The following TACC2 variants were observed in gnomAD, a reference collection of about 807,000 sequenced individuals.
The protein encoded by TACC2 is transforming acidic coiled-coil-containing protein 2.
Under a neutral mutation model 227.3 loss-of-function variants are expected in TACC2, and 137 were observed. The observed-to-expected ratio is 0.60, with a 90% CI of 0.52 to 0.69. The LOEUF (loss-of-function observed/expected upper bound fraction) is 0.69. Among genes scored for constraint, TACC2 ranks in the 30% least tolerant of loss-of-function variants. The probability of loss-of-function intolerance (pLI) is 0.00; values close to 1 mark genes in which losing one functional copy is unlikely to be tolerated. For synonymous variants in TACC2, 1,523 were observed against 1,487.5 expected, an observed-to-expected ratio of 1.02 and a Z score of -0.55; for missense variants, 3,470 against 3,694.4, an observed-to-expected ratio of 0.94 and a Z score of 1.57.
chr10:121,990,754 A>T (rs1952994430), intron 1 of TACC2, among the ~76,000 whole-genome samples: 1 of 151,864 alleles, frequency 6.6e-6, no homozygotes, highest in Non-Finnish European at 1.5e-5. Flanking sequence ...TTATTACATT[A>T]TTGTCTGGAC....
intron 7 of TACC2, among the ~76,000 whole-genome samples, chr10:122,146,556 T>C (rs886513954): frequency 1.3e-5 from 2 of 152,074 alleles, no homozygotes; most frequent in Non-Finnish European, 2.9e-5. Context: ...AGACCCGAGC[T>C]AGCTTACTCA....
At position 122,085,347 on chromosome 10, in the gene TACC2, A is replaced by G. The variant is rs999620785; in HGVS notation, c.2847A>G (p.Pro949=). The G allele has an allele frequency of 1.9e-6, 3 of 1,613,928 alleles. No individual in the cohort carries two copies. Among genetic ancestry groups the G allele is most frequent in the Non-Finnish European group, 2.5e-6 (3 of 1,180,052 alleles). ...TGCCTGCACTAGGGGAGAAGCGGCC[A>G]GAGGGAGCATGCGGTGATGGTCAGT... ...QKLPALGEKR[P]EGACGDGQSS... The change falls in exon 4 of 23, where the codon CCA becomes CCG. Residue 949 remains proline (P), a synonymous_variant. Transcript: ENST00000369005.
At chr10:122,111,885 A>G (rs2083675166) in intron 5 of TACC2, among the ~76,000 whole-genome samples, 1 of 152,216 alleles carries the variant, frequency 6.6e-6, no homozygotes, top group East Asian at 1.9e-4. Context: ...AAATGGACAC[A>G]TTAATACGAT....
intron 2 of TACC2, among the ~76,000 whole-genome samples, chr10:122,044,707 A>T (rs1279607877): frequency 4.6e-5 from 7 of 150,746 alleles, no homozygotes; most frequent in Admixed American, 2.6e-4. Context: ...TTATGGTGAA[A>T]TGCTTTAGCT....
rs2095276130 is a variant in TACC2, at chr10:122,210,905, G to A, written c.6480G>A (p.Glu2160=). The change falls in exon 9 of 23, where the codon GAG becomes GAA. Residue 2160 remains glutamate, a synonymous_variant. Coordinates refer to ENST00000369005, the MANE Select transcript of TACC2 (RefSeq NM_206862.4). The surrounding 1 kb of genome is among the most constrained non-coding windows in gnomAD (Gnocchi z 4.6). The part of the protein sequence containing the change: ...VKETQQEPDE[E]SLVPSGENLA... ...AGACGCAACAGGAGCCAGATGAAGA[G>A]AGCCTTGTCCCCAGTGGGGAGAATC... is the stretch of plus-strand genomic sequence containing the variant. 6.2e-7 allele frequency: 1 copy of A among 1,613,564 alleles called. No individual in the cohort carries two copies. Among genetic ancestry groups the A allele is most frequent in the African/African-American group, 1.3e-5 (1 of 74,788 alleles).
At position 122,254,106 on chromosome 10, in the gene TACC2, G is replaced by A. The variant is rs1006629992; in HGVS notation, c.*50G>A. The A allele has an allele frequency of 6.8e-6, 10 of 1,463,420 alleles. No homozygotes were observed. Among genetic ancestry groups the A allele is most frequent in the East Asian group, 2.3e-5 (1 of 44,204 alleles). The allele number at this position is 1,463,420 out of a possible 1,614,324, so 90.7% of individuals were successfully genotyped here. On this transcript the variant is annotated 3_prime_UTR_variant, in exon 23 of 23. Transcript: ENST00000369005. ...AACTGTTGCGTGCAATATGACCGTC[G>A]GCACACTGCTGTTCCTCCAGTTCCA...
At chr10:122,191,424 A>G (rs577072530) in intron 7 of TACC2, among the ~76,000 whole-genome samples, 3 of 152,332 alleles carry the variant, frequency 2.0e-5, no homozygotes, top group Admixed American at 6.5e-5. Flanking sequence ...GGGGTGTCCA[A>G]TCTTTTGGCT....
At chr10:122,168,350 AG>A (rs1465407600) in intron 7 of TACC2, among the ~76,000 whole-genome samples, 2 of 152,174 alleles carry the variant, frequency 1.3e-5, no homozygotes. Context: ...TGGACACAAT[AG>A]AGTTTTTTCT....
chr10:122,086,902 G>T lies in TACC2; in HGVS notation c.4402G>T (p.Ala1468Ser), dbSNP rs1283002232. Residue 1468 changes from alanine (A) to serine (S), a missense_variant, in exon 4 of 23, where the codon GCT (alanine) becomes TCT (serine). By Grantham distance (99) the Ala-to-Ser change is moderately conservative. Coordinates refer to ENST00000369005, the MANE Select transcript of TACC2 (RefSeq NM_206862.4). ...VDVTLLPAPP[A>S]RLQVEKKQQL... ...TGTCACCCTTCTCCCTGCACCTCCT[G>T]CTCGACTCCAGGTGGAGAAGAAGCA... The T allele has an allele frequency of 4.3e-6, 7 of 1,613,860 alleles. No individual in the cohort carries two copies. The highest frequency in any genetic ancestry group is 2.2e-5 in the South Asian group (2 of 91,088).
chr10:122,113,515 A>C (rs1484417661), intron 5 of TACC2, among the ~76,000 whole-genome samples: 1 of 152,016 alleles, frequency 6.6e-6, no homozygotes, highest in Non-Finnish European at 1.5e-5. Context: ...GGCGCGCGCC[A>C]GTGGCTGGGA....
Position 122,238,508 on chromosome 10 carries a change from C to T in TACC2, c.8348+471C>T, listed in dbSNP as rs2095907288. Among the ~76,000 whole-genome samples the T allele has an allele frequency of 4.6e-5, 7 of 151,630 alleles. No homozygotes were observed. The South Asian group carries it at 1.5e-3, about 32-fold the overall frequency. ...TGTTGCCCAGGCTGGAGTGCAGTGG[C>T]GCCACCTCGGCTCACTGCAACCTCC... is the stretch of plus-strand genomic sequence containing the variant. On this transcript the variant is annotated intron_variant, in intron 18 of 22. Transcript: ENST00000369005.
chr10:122,134,680 G>C lies in TACC2; in HGVS notation c.5699+1946G>C, dbSNP rs183922826. 1.6e-3 allele frequency among the ~76,000 whole-genome samples: 240 copies of C among 152,284 alleles called. 1 individual carries two copies. The highest frequency in any genetic ancestry group is 5.4e-3 in the African/African-American group (224 of 41,548). ...ACCACCGTTTTAGGAAGACCCAGGG[G>C]CCTCTGGCTGTAGCCAATGGGGCAC... is the stretch of plus-strand genomic sequence containing the variant. On this transcript the variant is annotated intron_variant, in intron 6 of 22. Coordinates refer to ENST00000369005, the MANE Select transcript of TACC2 (RefSeq NM_206862.4).
At chr10:122,216,380 A>ATT (rs60334067) in intron 10 of TACC2, among the ~76,000 whole-genome samples, 46,963 of 148,512 alleles carry the variant, frequency 0.32, 8,056 homozygotes, top group Middle Eastern at 0.46. Context: ...CAAAATCCTG[A>ATT]TTTTTTTTTT....
At chr10:122,137,985 G>C (rs1244592684) in intron 6 of TACC2, among the ~76,000 whole-genome samples, 9 of 152,216 alleles carry the variant, frequency 5.9e-5, no homozygotes. Context: ...TCACCAGCGA[G>C]TTTCCAGATT....
At chr10:122,046,186 A>G (rs975679190) in intron 2 of TACC2, among the ~76,000 whole-genome samples, 3 of 151,070 alleles carry the variant, frequency 2.0e-5, no homozygotes, top group Admixed American at 6.6e-5. Context: ...AAAAATCATA[A>G]TAATAGGGCT....
chr10:122,161,480 C>A (rs1010431209), intron 7 of TACC2, among the ~76,000 whole-genome samples: 1 of 152,200 alleles, frequency 6.6e-6, no homozygotes, highest in East Asian at 1.9e-4. Context: ...AATGCCCTTG[C>A]AAAATAGATG....
intron 6 of TACC2, among the ~76,000 whole-genome samples, chr10:122,137,370 C>T (rs1456229887): frequency 6.6e-6 from 1 of 151,866 alleles, no homozygotes; most frequent in African/African-American, 2.4e-5. Flanking sequence ...GTAGTCCCAG[C>T]TACTCAGGAG....
chr10:122,211,543 C>T lies in TACC2; in HGVS notation c.7118C>T (p.Thr2373Ile), dbSNP rs370327996. The change falls in exon 9 of 23, where the codon ACC (threonine) becomes ATC (isoleucine). Residue 2373 changes from threonine (T) to isoleucine (I), a missense_variant. By Grantham distance (89) the Thr-to-Ile change is moderately conservative. Around this residue, in one of 10 missense-constraint regions of TACC2, gnomAD observed 593 missense variants for 636.6 expected, o/e 0.93. Coordinates refer to ENST00000369005, the MANE Select transcript of TACC2 (RefSeq NM_206862.4). ...CAATCATACAACTTTGACCCAGACACCTGTGATGAGTCCGTTGACCCCTTT... is the reference window on the plus strand; with the variant it reads ...CAATCATACAACTTTGACCCAGACATCTGTGATGAGTCCGTTGACCCCTTT... ...PQQSYNFDPD[T>I]CDESVDPFKT... 1.9e-6 allele frequency: 3 copies of T among 1,614,030 alleles called. No individual in the cohort carries two copies. The highest frequency in any genetic ancestry group is 2.5e-6 in the Non-Finnish European group (3 of 1,180,014).
chr10:122,168,474 G>A (rs540005933), intron 7 of TACC2, among the ~76,000 whole-genome samples: 2 of 152,234 alleles, frequency 1.3e-5, no homozygotes, highest in African/African-American at 2.4e-5. Flanking sequence ...TATCACCAGC[G>A]TGGCCCTGTG....
Sources: gnomAD v4.1 joint callset for allele counts (sites outside exome capture counted in the v4.1 genomes callset) on GRCh38, gnomAD v4.1.1 for gene constraint, gnomAD v4.1.1 regional missense constraint, Gnocchi (gnomAD v3.1) non-coding constraint, MANE v1.5 for transcripts, NCBI Gene and HGNC (gene_info 2026-07-23, HGNC 2026-07-21) for gene names.